Variants in MTUS1 observed in about 807,000 individuals in gnomAD.
The protein encoded by MTUS1 is microtubule-associated tumor suppressor 1.
Under a neutral mutation model 120.8 loss-of-function variants are expected in MTUS1, and 109 were observed. The ratio of observed to expected loss-of-function variants is 0.90; its 90% CI spans 0.77 to 1.06. MTUS1 has a LOEUF of 1.06. MTUS1 is among the 50% of genes least tolerant of loss of function. The pLI, the probability that MTUS1 is intolerant of heterozygous loss-of-function variation, is 0.00. For synonymous variants in MTUS1, 737 were observed against 550.5 expected, an observed-to-expected ratio of 1.34 and a Z score of -4.74; for missense variants, 2,210 against 1,486.3, an observed-to-expected ratio of 1.49 and a Z score of -8.01.
intron 1 of MTUS1, among the ~76,000 whole-genome samples, chr8:17,772,272 A>G (rs1028913736): frequency 1.3e-5 from 2 of 152,194 alleles, no homozygotes; most frequent in Non-Finnish European, 2.9e-5. Context: ...ACAAAACAAA[A>G]TAACTGAAAC....
At position 17,688,540 on chromosome 8, in the gene MTUS1, T is replaced by C. The variant is rs568028817; in HGVS notation, c.2624-3998A>G. ...AAGCTAGTGAGAGGTCTCTCTCTGC[T>C]AGCGGCATGGACAGACAGAAAATTC... On this transcript the variant is annotated intron_variant, in intron 6 of 14. Transcript: ENST00000693296. Among the ~76,000 whole-genome samples, 5 of 152,376 alleles carry C rather than the reference T, an allele frequency of 3.3e-5. No individual in the cohort carries two copies. In the East Asian group the frequency reaches 5.8e-4, roughly 18 times the overall value.
intron 1 of MTUS1, among the ~76,000 whole-genome samples, chr8:17,787,793 G>C (rs570377279): frequency 2.0e-5 from 3 of 152,160 alleles, no homozygotes; most frequent in African/African-American, 4.8e-5. Flanking sequence ...TCACTTTTCT[G>C]ATGACCAAAG....
At chr8:17,719,204 CTT>C (rs1172073953) in intron 4 of MTUS1, among the ~76,000 whole-genome samples, 1 of 152,138 alleles carries the variant, frequency 6.6e-6, no homozygotes, top group African/African-American at 2.4e-5. Flanking sequence ...TTGTTTCAGA[CTT>C]TTATCTGCAA....
At position 17,697,533 on chromosome 8, in the gene MTUS1, GA is replaced by G. The variant is rs576333653; in HGVS notation, c.2624-12992del. 109 of 1,409,854 alleles carry G rather than the reference GA, an allele frequency of 7.7e-5. No homozygotes were observed. The African/African-American group carries it at 1.4e-3, about 18-fold the overall frequency. 87.3% of individuals were successfully genotyped at this position (1,409,854 alleles called of 1,614,324 possible). On this transcript the variant is annotated intron_variant, in intron 6 of 14. Transcript: ENST00000693296. ...GTCATTCCACCAGAGAGGCATAGAAGAAAAAAATCCCCCAGGGCTGGCCAAG... is the reference window on the plus strand; with the variant it reads ...GTCATTCCACCAGAGAGGCATAGAAGAAAAAATCCCCCAGGGCTGGCCAAG...
At chr8:17,723,877 C>G in intron 3 of MTUS1, 44 bp from the exon 4 acceptor site, 1 of 1,482,322 alleles carries the variant, frequency 6.7e-7, no homozygotes, top group Middle Eastern at 1.8e-4. Context: ...GCTATTCATC[C>G]CGAAAGCTGG....
rs181601359 is a variant in MTUS1, at chr8:17,755,721, G to C, written c.87C>G (p.Tyr29Ter). Residue 29 changes from tyrosine to a stop codon, truncating the protein, a stop_gained, in exon 2 of 15, where the codon TAC becomes TAG. Transcript: ENST00000693296. LOFTEE classifies it high-confidence loss of function. ...TTTGTGTAGGTGGTGATTTCGGGTT[G>C]TATGCATGTGTATTTCCATCTTTAT... ...TSDKDGNTHA[Y>*]NPKSPPTQNS... The C allele has an allele frequency of 1.6e-3, 2,550 of 1,614,030 alleles. 5 individuals are homozygous for C. The highest frequency in any genetic ancestry group is 1.7e-3 in the Non-Finnish European group (1,974 of 1,180,018).
intron 4 of MTUS1, chr8:17,722,135 G>A: frequency 4.9e-6 from 6 of 1,216,216 alleles, no homozygotes; most frequent in Non-Finnish European, 6.1e-6. Flanking sequence ...AGGCTCTGTG[G>A]GTGTATGGTA....
At chr8:17,733,088 C>T (rs1030709682) in intron 3 of MTUS1, among the ~76,000 whole-genome samples, 50 of 152,134 alleles carry the variant, frequency 3.3e-4, no homozygotes, top group Admixed American at 1.5e-3. Flanking sequence ...CGGTGCCTCA[C>T]GCCCGTAATC....
chr8:17,655,346 T>A (rs1168570100), intron 9 of MTUS1, among the ~76,000 whole-genome samples: 1 of 152,142 alleles, frequency 6.6e-6, no homozygotes, highest in African/African-American at 2.4e-5. Flanking sequence ...ACCAGGATGT[T>A]TACAAGGGAT....
At chr8:17,654,239 A>G (rs1807700522) in intron 10 of MTUS1, 1 of 357,454 alleles carries the variant, frequency 2.8e-6, no homozygotes. Flanking sequence ...TGGATCCTTT[A>G]CTGTGGATTA....
chr8:17,769,511 A>C lies in MTUS1; in HGVS notation c.-154-13550T>G, dbSNP rs3930694. Among the ~76,000 whole-genome samples the C allele has an allele frequency of 6.4e-3, 922 of 144,714 alleles. 4 individuals carry two copies. The highest frequency in any genetic ancestry group is 0.017 in the Middle Eastern group (5 of 288). The allele number at this position is 144,714 out of a possible 152,430, so 94.9% of individuals were successfully genotyped here. A position where few individuals can be genotyped will look rare whatever the true frequency, so the allele number is the denominator to read the frequency against. On this transcript the variant is annotated intron_variant, in intron 1 of 14. Coordinates refer to ENST00000693296, the MANE Select transcript of MTUS1 (RefSeq NM_001363059.2). ...TACAGGCGCCCGCCACCACGCCCAG[A>C]TAATTTTTTGTATTTTTAGTAGAGA...
intron 8 of MTUS1, among the ~76,000 whole-genome samples, chr8:17,666,489 T>C (rs932418020): frequency 6.6e-6 from 1 of 152,118 alleles, no homozygotes; most frequent in African/African-American, 2.4e-5. Flanking sequence ...TATGTATGTA[T>C]TTTTTTACAT....
At chr8:17,747,743 G>C (rs1442951044) in intron 2 of MTUS1, among the ~76,000 whole-genome samples, 1 of 152,136 alleles carries the variant, frequency 6.6e-6, no homozygotes, top group Non-Finnish European at 1.5e-5. Flanking sequence ...TGATGTATTA[G>C]TCCATTTTTA....
chr8:17,652,811 G>C (rs1807310097), intron 12 of MTUS1, among the ~76,000 whole-genome samples: 1 of 150,682 alleles, frequency 6.6e-6, no homozygotes, highest in Non-Finnish European at 1.5e-5. Context: ...ACTCCAGCCT[G>C]AGTGACAGAG....
At chr8:17,749,238 C>G (rs2048003006) in intron 2 of MTUS1, among the ~76,000 whole-genome samples, 2 of 152,138 alleles carry the variant, frequency 1.3e-5, no homozygotes, top group African/African-American at 4.8e-5. Context: ...ATCAACTCCC[C>G]CTGAAGCCGG....
At chr8:17,770,419 G>C (rs987464032) in intron 1 of MTUS1, 1 of 152,270 alleles carries the variant, frequency 6.6e-6, no homozygotes, top group East Asian at 1.9e-4. Flanking sequence ...ACCATACCAA[G>C]CTAACTTACC....
intron 2 of MTUS1, among the ~76,000 whole-genome samples, chr8:17,745,634 G>A (rs989863714): frequency 6.6e-6 from 1 of 152,160 alleles, no homozygotes; most frequent in Non-Finnish European, 1.5e-5. Context: ...GTGTACTCAA[G>A]ATCACCAGTG....
intron 8 of MTUS1, among the ~76,000 whole-genome samples, chr8:17,671,606 C>G (rs1160395228): frequency 6.6e-6 from 1 of 152,210 alleles, no homozygotes; most frequent in African/African-American, 2.4e-5. Context: ...ACGGGAAAGT[C>G]AGTGGATGCT....
At chr8:17,756,262 G>A (rs1197242976) in intron 1 of MTUS1, among the ~76,000 whole-genome samples, 1 of 152,208 alleles carries the variant, frequency 6.6e-6, no homozygotes, top group East Asian at 1.9e-4. Flanking sequence ...GTCAAAGAGA[G>A]GAGGAGGTAA....
Sources: allele counts gnomAD v4.1 joint callset (sites outside exome capture counted in the v4.1 genomes callset), GRCh38; gene constraint gnomAD v4.1.1; transcripts MANE v1.5; gene names NCBI Gene and HGNC (gene_info 2026-07-23, HGNC 2026-07-21).